Variants in SGCZ observed in about 807,000 individuals in gnomAD.
SGCZ encodes the protein sarcoglycan zeta, also known as zeta-sarcoglycan.
In SGCZ, 40 loss-of-function variants were observed where a neutral mutation model predicts 41.3. That is an observed-to-expected ratio of 0.97 (90% CI 0.75 to 1.26). The LOEUF is 1.26. SGCZ is among the 50% of genes most tolerant of loss of function. The pLI is 0.00. For missense variants in SGCZ, 552 were observed against 369.8 expected, an observed-to-expected ratio of 1.49 and a Z score of -4.04; for synonymous variants, 206 against 137.5, an observed-to-expected ratio of 1.50 and a Z score of -3.49.
At chr8:14,164,912 G>C (rs1804161880) in intron 4 of SGCZ, 1 of 552,922 alleles carries the variant, frequency 1.8e-6, no homozygotes, top group African/African-American at 1.9e-5. Context: ...TAGGCATACA[G>C]GTGACCTCTG....
chr8:14,271,088 C>T (rs760898645), intron 3 of SGCZ, among the ~76,000 whole-genome samples: 3 of 151,870 alleles, frequency 2.0e-5, no homozygotes, highest in African/African-American at 4.8e-5. Context: ...AGGAGATATA[C>T]CTAATGTTAA....
intron 4 of SGCZ, among the ~76,000 whole-genome samples, chr8:14,231,165 G>GTGTGTGTGTGTT: frequency 6.7e-6 from 1 of 148,250 alleles, no homozygotes; most frequent in African/African-American, 2.5e-5. Flanking sequence ...GGGCAAGTGT[G>GTGTGTGTGTGTT]TGTGTGTGTG....
intron 1 of SGCZ, among the ~76,000 whole-genome samples, chr8:15,205,019 ATT>A (rs1273884208): frequency 6.6e-6 from 1 of 152,200 alleles, no homozygotes; most frequent in Non-Finnish European, 1.5e-5. Flanking sequence ...TTAAAATAGA[ATT>A]TTTTCATGAA....
chr8:14,274,855 A>G (rs1213548680), intron 3 of SGCZ, among the ~76,000 whole-genome samples: 1 of 152,082 alleles, frequency 6.6e-6, no homozygotes, highest in Non-Finnish European at 1.5e-5. Flanking sequence ...GATAATTATG[A>G]TTATAATACT....
At chr8:14,100,596 T>A (rs1801988986) in intron 7 of SGCZ, among the ~76,000 whole-genome samples, 5 of 138,608 alleles carry the variant, frequency 3.6e-5, no homozygotes, top group Middle Eastern at 4.1e-3. Context: ...TATATTATAT[T>A]TTATTAATTT....
At chr8:14,672,316 T>C (rs9325726) in intron 1 of SGCZ, among the ~76,000 whole-genome samples, 83,029 of 152,012 alleles carry the variant, frequency 0.55, 24,213 homozygotes, top group East Asian at 0.76. Context: ...ATGTCTCATA[T>C]TCCATAGCGG....
rs1585338228 is a variant in SGCZ, at chr8:14,301,886, T to A, written c.336+22217A>T. ...TAAACTCAAAGCACCAAAAAAGTAT[T>A]TTCAGATGAAAAAGATAATTTTGTA... On this transcript the variant is annotated intron_variant, in intron 3 of 7. Coordinates refer to ENST00000382080, the MANE Select transcript of SGCZ (RefSeq NM_139167.4). 1.3e-5 allele frequency among the ~76,000 whole-genome samples: 2 copies of A among 152,306 alleles called. 1 individual carries two copies. The highest frequency in any genetic ancestry group is 1.3e-4 in the Admixed American group (2 of 15,288).
At chr8:14,624,172 G>C (rs1806373029) in intron 1 of SGCZ, among the ~76,000 whole-genome samples, 1 of 152,120 alleles carries the variant, frequency 6.6e-6, no homozygotes, top group East Asian at 1.9e-4. Context: ...GGTCAATGCA[G>C]ACACATGTAC....
intron 1 of SGCZ, among the ~76,000 whole-genome samples, chr8:14,792,532 T>C (rs1350911650): frequency 6.6e-6 from 1 of 152,176 alleles, no homozygotes; most frequent in Non-Finnish European, 1.5e-5. Context: ...GCCATCATTT[T>C]ACTTGGCATT....
chr8:14,219,799 A>G (rs570080574), intron 4 of SGCZ, among the ~76,000 whole-genome samples: 16 of 152,062 alleles, frequency 1.1e-4, no homozygotes, highest in African/African-American at 3.6e-4. Context: ...CTCATTCACC[A>G]TATTCACCTG....
chr8:14,830,975 G>C (rs533670348), intron 1 of SGCZ, among the ~76,000 whole-genome samples: 3 of 152,196 alleles, frequency 2.0e-5, no homozygotes, highest in East Asian at 3.9e-4. Context: ...AGTGTAGAAA[G>C]AGCTCTTGAA....
chr8:14,817,241 C>T (rs1801933266), intron 1 of SGCZ, among the ~76,000 whole-genome samples: 1 of 152,154 alleles, frequency 6.6e-6, no homozygotes, highest in South Asian at 2.1e-4. Flanking sequence ...GCCTCTGCCA[C>T]ATAGTCTCAC....
At chr8:14,493,813 G>A (rs557323195) in intron 2 of SGCZ, among the ~76,000 whole-genome samples, 6 of 152,058 alleles carry the variant, frequency 3.9e-5, no homozygotes, top group South Asian at 4.2e-4. Context: ...ACTTTCCTCC[G>A]TAGTGGGATT....
chr8:15,198,644 C>T (rs1800805624), intron 1 of SGCZ, among the ~76,000 whole-genome samples: 2 of 152,140 alleles, frequency 1.3e-5, no homozygotes, highest in African/African-American at 4.8e-5. Flanking sequence ...TATCCTAATA[C>T]AACCCTTAAT....
At chr8:14,259,216 A>G (rs1171775981) in intron 3 of SGCZ, among the ~76,000 whole-genome samples, 1 of 152,196 alleles carries the variant, frequency 6.6e-6, no homozygotes, top group Non-Finnish European at 1.5e-5. Flanking sequence ...TTAATTAAAA[A>G]CACACATGAA....
At chr8:14,570,082 G>A (rs963927437) in intron 1 of SGCZ, among the ~76,000 whole-genome samples, 3 of 151,824 alleles carry the variant, frequency 2.0e-5, no homozygotes, top group African/African-American at 7.3e-5. Flanking sequence ...AGCATCAAAT[G>A]AAATATTTAT....
At chr8:14,374,562 A>C (rs1415828769) in intron 2 of SGCZ, among the ~76,000 whole-genome samples, 1 of 137,978 alleles carries the variant, frequency 7.2e-6, no homozygotes, top group Non-Finnish European at 1.5e-5. Context: ...AGTATAAAAG[A>C]GTCATTTGGT....
chr8:15,037,050 T>C (rs4831672), intron 1 of SGCZ, among the ~76,000 whole-genome samples: 26,184 of 152,188 alleles, frequency 0.17, 2,561 homozygotes, highest in South Asian at 0.28. Context: ...CATCATTTTA[T>C]GATACAAACT....
chr8:14,295,924 T>C (rs954115295), intron 3 of SGCZ, among the ~76,000 whole-genome samples: 1 of 152,132 alleles, frequency 6.6e-6, no homozygotes, highest in Non-Finnish European at 1.5e-5. Context: ...AAACATAAAG[T>C]AGCACATGCA....
Sources: gnomAD v4.1 joint callset for allele counts (sites outside exome capture counted in the v4.1 genomes callset) on GRCh38, gnomAD v4.1.1 for gene constraint, MANE v1.5 for transcripts, NCBI Gene and HGNC (gene_info 2026-07-23, HGNC 2026-07-21) for gene names.